Variants in PGM3 observed in about 807,000 individuals in gnomAD.
PGM3 encodes the protein phosphoacetylglucosamine mutase.
Under a neutral mutation model 66.2 loss-of-function variants are expected in PGM3, and 40 were observed. The ratio of observed to expected loss-of-function variants is 0.60; its 90% CI spans 0.47 to 0.79. The LOEUF (loss-of-function observed/expected upper bound fraction) is 0.79, where lower values mean the gene tolerates loss of function less well. PGM3 is among the 30% of genes least tolerant of loss of function. PGM3 has a pLI of 0.00. For synonymous variants in PGM3, 191 were observed against 224.2 expected (o/e 0.85, Z 1.32); for missense variants, 537 against 643.4 (o/e 0.83, Z 1.79).
chr6:83,167,206 G>A lies in PGM3; in HGVS notation c.*2028C>T. 3.3e-6 allele frequency: 3 copies of A among 902,700 alleles called. No individual in the cohort carries two copies. The highest frequency in any genetic ancestry group is 4.0e-6 in the Non-Finnish European group (3 of 754,370). The allele number at this position is 902,700 out of a possible 1,614,324, so 55.9% of individuals were successfully genotyped here. ...GAACCTTTGTATATCCTGCCCAAGG[G>A]TGCCGTAAGTATGGCAGAGCCAGCA... On this transcript the variant is annotated 3_prime_UTR_variant, in exon 13 of 13. Transcript: ENST00000513973.
chr6:83,171,581 C>G lies in PGM3; in HGVS notation c.1365+356G>C, dbSNP rs1229079207. 2.0e-5 allele frequency among the ~76,000 whole-genome samples: 3 copies of G among 152,304 alleles called. No individual in the cohort carries two copies. In the East Asian group the frequency reaches 5.8e-4, roughly 29 times the overall value. On this transcript the variant is annotated intron_variant, in intron 11 of 12. Coordinates refer to ENST00000513973, the MANE Select transcript of PGM3 (RefSeq NM_015599.3). Reference sequence around the variant, plus strand: ...TCTCGGCTCACTGCAACCTCTGCCTCCCAGGTTCAAGTGATTCTCCTGCCT... The same window carrying G: ...TCTCGGCTCACTGCAACCTCTGCCTGCCAGGTTCAAGTGATTCTCCTGCCT...
At chr6:83,160,184 C>T (rs1783904152), downstream of PGM3, among the ~76,000 whole-genome samples, 1 of 152,166 alleles carries the variant, frequency 6.6e-6, no homozygotes, top group South Asian at 2.1e-4. Context: ...AGATGTGAGA[C>T]AATGGGGTAC....
At chr6:83,149,483 T>A in the PGM3 span, among the ~76,000 whole-genome samples, 1 of 152,124 alleles carries the variant, frequency 6.6e-6, no homozygotes, top group Non-Finnish European at 1.5e-5. Context: ...GCAAAGTACC[T>A]TGTCTGATTT....
chr6:83,153,765 T>C, the PGM3 span: 2 of 1,198,718 alleles, frequency 1.7e-6, no homozygotes, highest in Non-Finnish European at 2.3e-6. Flanking sequence ...CATATATTAT[T>C]TTTCTTATGG....
downstream of PGM3, chr6:83,159,769 G>T: frequency 6.2e-7 from 1 of 1,613,802 alleles, no homozygotes; most frequent in Non-Finnish European, 8.5e-7. Flanking sequence ...GGGTCCAGCT[G>T]CTGACAGCAC....
chr6:83,176,697 T>C (rs369277566), intron 8 of PGM3, among the ~76,000 whole-genome samples: 4 of 152,060 alleles, frequency 2.6e-5, no homozygotes, highest in East Asian at 1.9e-4. Flanking sequence ...TAAGGAAAGA[T>C]TGATAGTAGA....
intron 4 of PGM3, among the ~76,000 whole-genome samples, chr6:83,184,443 A>G (rs758153513): frequency 4.6e-5 from 7 of 152,198 alleles, no homozygotes; most frequent in Admixed American, 1.3e-4. Flanking sequence ...AAAAATACAA[A>G]TAAGAGCTTA....
chr6:83,153,186 T>C, the PGM3 span, among the ~76,000 whole-genome samples: 1 of 152,092 alleles, frequency 6.6e-6, no homozygotes, highest in Admixed American at 6.6e-5. Flanking sequence ...TTTAGCTGAG[T>C]CAGGGAAAAA....
the PGM3 span, chr6:83,152,490 A>G: frequency 3.6e-5 from 15 of 415,416 alleles, no homozygotes; most frequent in Admixed American, 2.7e-4. Flanking sequence ...AGAAATCACT[A>G]TATAGAATTA....
intron 1 of PGM3, among the ~76,000 whole-genome samples, chr6:83,192,391 A>G (rs903979832): frequency 2.0e-5 from 3 of 152,250 alleles, no homozygotes; most frequent in African/African-American, 7.2e-5. Flanking sequence ...TCCATATACT[A>G]CATTTCCTGG....
the PGM3 span, among the ~76,000 whole-genome samples, chr6:83,153,100 C>G: frequency 6.6e-6 from 1 of 152,088 alleles, no homozygotes; most frequent in African/African-American, 2.4e-5. Context: ...GGACTAAGGC[C>G]AAATAGCTGT....
Position 83,169,122 on chromosome 6 carries a change from T to C in PGM3, c.*112A>G. ...AAAAACAGATCTAGAGACAATCCAG[T>C]AGGCTGCATTGTAAACATTATGATT... On this transcript the variant is annotated 3_prime_UTR_variant, in exon 13 of 13. Transcript: ENST00000513973. 1 of 1,510,856 alleles carries C rather than the reference T, an allele frequency of 6.6e-7. No individual in the cohort carries two copies. The allele number at this position is 1,510,856 out of a possible 1,614,324, so 93.6% of individuals were successfully genotyped here. A position where few individuals can be genotyped will look rare whatever the true frequency, so the allele number is the denominator to read the frequency against.
chr6:83,161,901 T>C (rs546888841), downstream of PGM3, among the ~76,000 whole-genome samples: 1 of 152,186 alleles, frequency 6.6e-6, no homozygotes, highest in Non-Finnish European at 1.5e-5. Context: ...TGTGGTACTT[T>C]GTAAGTGCAA....
Position 83,168,687 on chromosome 6 carries a change from C to G in PGM3, c.*547G>C, listed in dbSNP as rs1423864638. 1.0e-6 allele frequency: 1 copy of G among 995,718 alleles called. No homozygotes were observed. The highest frequency in any genetic ancestry group is 1.1e-4 in the East Asian group (1 of 9,338). 61.7% of individuals were successfully genotyped at this position (995,718 alleles called of 1,614,324 possible). A position where few individuals can be genotyped will look rare whatever the true frequency, so the allele number is the denominator to read the frequency against. On this transcript the variant is annotated 3_prime_UTR_variant, in exon 13 of 13. Transcript: ENST00000513973. Reference sequence around the variant, plus strand: ...AAAAGTATTGCATGAGCATCTCCACCTCAGTATGGAAGAGGGATGGACAAC... The same window carrying G: ...AAAAGTATTGCATGAGCATCTCCACGTCAGTATGGAAGAGGGATGGACAAC...
intron 3 of PGM3, among the ~76,000 whole-genome samples, chr6:83,187,726 C>T (rs1414645960): frequency 6.6e-6 from 1 of 152,158 alleles, no homozygotes; most frequent in Non-Finnish European, 1.5e-5. Flanking sequence ...ATCACTTGAC[C>T]CTGGGAGTCA....
intron 2 of PGM3, among the ~76,000 whole-genome samples, chr6:83,189,918 A>C (rs143281496): frequency 1.4e-3 from 215 of 152,342 alleles, no homozygotes; most frequent in African/African-American, 5.1e-3. Context: ...CATAACATAC[A>C]TGTGTTATGT....
chr6:83,150,228 G>C, the PGM3 span, among the ~76,000 whole-genome samples: 4 of 152,106 alleles, frequency 2.6e-5, no homozygotes, highest in Non-Finnish European at 5.9e-5. Flanking sequence ...TTAAAAATTA[G>C]CCAGGCATAG....
downstream of PGM3, chr6:83,159,620 A>G (rs556032860): frequency 2.6e-5 from 19 of 727,430 alleles, no homozygotes; most frequent in East Asian, 5.1e-4. Context: ...CTCAAAGAAG[A>G]AAAGTGAATT....
downstream of PGM3, among the ~76,000 whole-genome samples, chr6:83,163,251 G>A (rs1028134416): frequency 6.6e-6 from 1 of 152,092 alleles, no homozygotes; most frequent in Non-Finnish European, 1.5e-5. Flanking sequence ...ATTTAAGACT[G>A]TAGTCCTGAA....
Sources: allele counts gnomAD v4.1 joint callset (sites outside exome capture counted in the v4.1 genomes callset), GRCh38; gene constraint gnomAD v4.1.1; transcripts MANE v1.5; gene names NCBI Gene and HGNC (gene_info 2026-07-23, HGNC 2026-07-21).